TRAPPC9: variants seen among roughly 807,000 people sequenced by gnomAD.
TRAPPC9 encodes IKK2 binding protein.
In TRAPPC9, 83 loss-of-function variants were observed where a neutral mutation model predicts 124.0. The ratio of observed to expected loss-of-function variants is 0.67; its 90% CI spans 0.56 to 0.80. The LOEUF (loss-of-function observed/expected upper bound fraction) is 0.80. TRAPPC9 is among the 30% of genes least tolerant of loss of function. The probability of loss-of-function intolerance (pLI) is 0.00; values close to 1 mark genes in which losing one functional copy is unlikely to be tolerated. For synonymous variants in TRAPPC9, 638 were observed against 617.5 expected (o/e 1.03, Z -0.49); for missense variants, 1,302 against 1,508.3 (o/e 0.86, Z 2.27).
At chr8:139,863,085 C>T (rs1484982362) in intron 21 of TRAPPC9, among the ~76,000 whole-genome samples, 1 of 152,258 alleles carries the variant, frequency 6.6e-6, no homozygotes, top group African/African-American at 2.4e-5. Flanking sequence ...CTGACAAAAG[C>T]TCATTTGGCG....
intron 9 of TRAPPC9, among the ~76,000 whole-genome samples, chr8:140,316,047 T>G (rs189306414): frequency 2.8e-4 from 42 of 152,298 alleles, no homozygotes; most frequent in Middle Eastern, 3.4e-3. Context: ...AATTGTTGTC[T>G]GTTTTGGTCT....
chr8:140,356,529 T>C (rs566446085), intron 9 of TRAPPC9, among the ~76,000 whole-genome samples: 1 of 151,396 alleles, frequency 6.6e-6, no homozygotes, highest in East Asian at 1.9e-4. Context: ...CCTTGAGAAA[T>C]ACAAACTCCA....
At chr8:140,130,372 C>A (rs2061184761) in intron 17 of TRAPPC9, among the ~76,000 whole-genome samples, 1 of 152,188 alleles carries the variant, frequency 6.6e-6, no homozygotes, top group South Asian at 2.1e-4. Context: ...ACTGTCAGAA[C>A]TGGGATGAAC....
chr8:139,839,319 G>A (rs914523928), intron 21 of TRAPPC9, among the ~76,000 whole-genome samples: 15 of 152,344 alleles, frequency 9.8e-5, no homozygotes, highest in South Asian at 4.1e-4. Flanking sequence ...ATGAGACACC[G>A]GGGGCTGGGC....
intron 17 of TRAPPC9, among the ~76,000 whole-genome samples, chr8:140,138,692 A>G (rs1587789994): frequency 6.6e-6 from 1 of 152,350 alleles, no homozygotes; most frequent in South Asian, 2.1e-4. Context: ...GTCCACTCGC[A>G]GTATAAACCA....
At chr8:139,822,346 G>A (rs1307311281) in intron 21 of TRAPPC9, among the ~76,000 whole-genome samples, 1 of 152,214 alleles carries the variant, frequency 6.6e-6, no homozygotes, top group Non-Finnish European at 1.5e-5. Flanking sequence ...AGCCTTCTAA[G>A]GCATGGCCTC....
chr8:140,003,887 C>T (rs1838573229), intron 18 of TRAPPC9, among the ~76,000 whole-genome samples: 1 of 152,232 alleles, frequency 6.6e-6, no homozygotes, highest in Admixed American at 6.5e-5. Context: ...ACAAGAATCA[C>T]TCTACATGAG....
At chr8:140,328,732 T>A (rs1002179644) in intron 9 of TRAPPC9, among the ~76,000 whole-genome samples, 2 of 151,724 alleles carry the variant, frequency 1.3e-5, no homozygotes, top group Non-Finnish European at 2.9e-5. Context: ...ATTTTTTTTT[T>A]AATTTTAAAA....
chr8:139,759,039 C>A (rs12546212), intron 21 of TRAPPC9, among the ~76,000 whole-genome samples: 1 of 152,186 alleles, frequency 6.6e-6, no homozygotes, highest in Non-Finnish European at 1.5e-5. Flanking sequence ...CCTCAGCATG[C>A]GCAGTGGTAG....
intron 21 of TRAPPC9, among the ~76,000 whole-genome samples, chr8:139,841,251 C>T (rs945430967): frequency 1.3e-5 from 2 of 152,336 alleles, no homozygotes; most frequent in East Asian, 3.9e-4. Context: ...TTCGTGATTA[C>T]CCTGGGCTTG....
intron 21 of TRAPPC9, among the ~76,000 whole-genome samples, chr8:139,737,467 C>CCCCCG (rs1818264308): frequency 1.2e-5 from 1 of 80,666 alleles, no homozygotes; most frequent in Non-Finnish European, 2.5e-5. Flanking sequence ...CATCAGCCCT[C>CCCCCG]CCCCCCCCCC....
At chr8:139,949,948 T>C (rs2131499766) in intron 19 of TRAPPC9, among the ~76,000 whole-genome samples, 1 of 152,354 alleles carries the variant, frequency 6.6e-6, no homozygotes, top group African/African-American at 2.4e-5. Flanking sequence ...GAAAAGAAAC[T>C]GTTATTGATT....
rs2129919517 is a variant in TRAPPC9 at position 139,730,964 on chromosome 8, T to C, written c.*97A>G. On this transcript the variant is annotated 3_prime_UTR_variant, in exon 23 of 23. Coordinates refer to ENST00000438773, the MANE Select transcript of TRAPPC9 (RefSeq NM_001160372.4). ...AGGGGTCTGGGGGAGGAGGAGGAGATGGGGCTGCAGTGAAGGCCTTGCTCA... is the reference window on the plus strand; with the variant it reads ...AGGGGTCTGGGGGAGGAGGAGGAGACGGGGCTGCAGTGAAGGCCTTGCTCA... 1 of 1,350,160 alleles carries C rather than the reference T, an allele frequency of 7.4e-7. No homozygotes were observed. Among genetic ancestry groups the C allele is most frequent in the South Asian group, 1.3e-5 (1 of 75,826 alleles). 83.6% of individuals were successfully genotyped at this position (1,350,160 alleles called of 1,614,324 possible). A position where few individuals can be genotyped will look rare whatever the true frequency, so the allele number is the denominator to read the frequency against.
chr8:140,034,494 G>A (rs1472590712), intron 17 of TRAPPC9, among the ~76,000 whole-genome samples: 1 of 152,170 alleles, frequency 6.6e-6, no homozygotes, highest in Non-Finnish European at 1.5e-5. Context: ...CCCTGCCTCT[G>A]ACTTACCACG....
chr8:139,974,085 C>T (rs556485184), intron 19 of TRAPPC9, among the ~76,000 whole-genome samples: 25 of 152,108 alleles, frequency 1.6e-4, no homozygotes, highest in Admixed American at 2.6e-4. Context: ...CAGGGAGAGG[C>T]GGTGAGGAAA....
chr8:139,749,039 C>G (rs984764243), intron 21 of TRAPPC9, among the ~76,000 whole-genome samples: 2 of 152,132 alleles, frequency 1.3e-5, no homozygotes. Flanking sequence ...GTAGAAATGA[C>G]GACTTCAATT....
intron 16 of TRAPPC9, among the ~76,000 whole-genome samples, chr8:140,243,694 G>A (rs938278183): frequency 6.6e-6 from 1 of 152,230 alleles, no homozygotes. Flanking sequence ...GACAAAGACA[G>A]GAAGATTCCT....
chr8:140,046,141 C>T (rs1261647726), intron 17 of TRAPPC9, among the ~76,000 whole-genome samples: 2 of 152,202 alleles, frequency 1.3e-5, no homozygotes, highest in Non-Finnish European at 2.9e-5. Flanking sequence ...TGGCGTCCCC[C>T]GCCTTGCACT....
intron 9 of TRAPPC9, among the ~76,000 whole-genome samples, chr8:140,330,832 T>C (rs2066875253): frequency 6.6e-6 from 1 of 152,160 alleles, no homozygotes; most frequent in African/African-American, 2.4e-5. Context: ...AAGTTCAAAC[T>C]TTCTGCTTTT....
Sources: gnomAD v4.1 joint callset for allele counts (sites outside exome capture counted in the v4.1 genomes callset) on GRCh38, gnomAD v4.1.1 for gene constraint, MANE v1.5 for transcripts, NCBI Gene and HGNC (gene_info 2026-07-23, HGNC 2026-07-21) for gene names.